Variants in CERS3 observed in about 807,000 individuals in gnomAD.
The protein encoded by CERS3 is LAG1 homolog, ceramide synthase 3.
Under a neutral mutation model 50.3 loss-of-function variants are expected in CERS3, and 33 were observed. The observed-to-expected ratio is 0.66, with a 90% CI of 0.50 to 0.88. The LOEUF (loss-of-function observed/expected upper bound fraction) is 0.88, where lower values mean the gene tolerates loss of function less well. CERS3 is among the 40% of genes least tolerant of loss of function. CERS3 has a pLI of 0.00. For missense variants in CERS3, 470 were observed against 460.3 expected, an observed-to-expected ratio of 1.02 and a Z score of -0.19; for synonymous variants, 176 against 155.2, an observed-to-expected ratio of 1.13 and a Z score of -0.99.
At chr15:100,457,743 A>G (rs879792527) in intron 10 of CERS3, among the ~76,000 whole-genome samples, 3 of 152,234 alleles carry the variant, frequency 2.0e-5, no homozygotes, top group Non-Finnish European at 4.4e-5. Context: ...ATAAACTGAA[A>G]AACTATTTTC....
intron 11 of CERS3, among the ~76,000 whole-genome samples, chr15:100,417,979 GA>G (rs1283852320): frequency 3.9e-5 from 6 of 152,058 alleles, no homozygotes; most frequent in Non-Finnish European, 7.3e-5. Flanking sequence ...CAAAGATGGG[GA>G]AAAAACAGAA....
chr15:100,473,250 C>T (rs1030735373), intron 8 of CERS3, among the ~76,000 whole-genome samples, 198 bp from the exon 9 acceptor site: 2 of 152,130 alleles, frequency 1.3e-5, no homozygotes, highest in Non-Finnish European at 2.9e-5. Flanking sequence ...AATCATTTAA[C>T]GTTGAGATAC....
rs1167471615 is a variant in CERS3, at chr15:100,528,801, G to A, written c.-92+12C>T. The A allele has an allele frequency of 6.6e-6, 1 of 152,260 alleles. No individual in the cohort carries two copies. Among genetic ancestry groups the A allele is most frequent in the Non-Finnish European group, 1.5e-5 (1 of 68,050 alleles). The allele number at this position is 152,260 out of a possible 1,614,324, so 9.4% of individuals were successfully genotyped here. A position where few individuals can be genotyped will look rare whatever the true frequency, so the allele number is the denominator to read the frequency against. On this transcript the variant is annotated intron_variant, in intron 1 of 11. Coordinates refer to ENST00000679737, the MANE Select transcript of CERS3 (RefSeq NM_001378789.1). The stretch of plus-strand genomic sequence containing the variant: ...CCTCAAATACTAACCACATCCATGG[G>A]ATGGCGCCTACCTTTCTGAAATGTC...
At chr15:100,444,373 C>A (rs1014637315) in intron 11 of CERS3, among the ~76,000 whole-genome samples, 2 of 3,880 alleles carry the variant, frequency 5.2e-4, no homozygotes, top group African/African-American at 5.4e-4. Flanking sequence ...CCACATTATT[C>A]CGGATACACA....
intron 8 of CERS3, among the ~76,000 whole-genome samples, chr15:100,473,747 C>G (rs903077723): frequency 2.0e-5 from 3 of 152,180 alleles, no homozygotes; most frequent in Non-Finnish European, 4.4e-5. Context: ...GACAGTTTCT[C>G]AAAAGATTAG....
At chr15:100,472,415 T>A (rs2034998681) in intron 9 of CERS3, among the ~76,000 whole-genome samples, 3 of 152,106 alleles carry the variant, frequency 2.0e-5, no homozygotes, top group Admixed American at 6.6e-5. Flanking sequence ...TCAGAAAACA[T>A]TCTAAGCCCT....
At chr15:100,495,276 C>G (rs2035777101) in intron 3 of CERS3, among the ~76,000 whole-genome samples, 1 of 152,170 alleles carries the variant, frequency 6.6e-6, no homozygotes, top group Admixed American at 6.5e-5. Flanking sequence ...ATGGAGAGGG[C>G]AAGATGGGAA....
chr15:100,532,357 C>A (rs538350260), upstream of CERS3, among the ~76,000 whole-genome samples: 1 of 152,154 alleles, frequency 6.6e-6, no homozygotes, highest in South Asian at 2.1e-4. Flanking sequence ...TTAACCTAAC[C>A]GGCAAAATTT....
intron 11 of CERS3, chr15:100,426,204 A>G (rs1379657484): frequency 1.3e-5 from 2 of 152,234 alleles, no homozygotes; most frequent in East Asian, 3.8e-4. Flanking sequence ...TTGCATAATA[A>G]AAAAATTAAA....
intron 7 of CERS3, among the ~76,000 whole-genome samples, chr15:100,478,417 G>A (rs1212979777): frequency 6.6e-6 from 1 of 152,114 alleles, no homozygotes; most frequent in African/African-American, 2.4e-5. Flanking sequence ...CACCTTGGTA[G>A]ACAGCATGTA....
chr15:100,463,532 G>A (rs1169760882), intron 10 of CERS3, among the ~76,000 whole-genome samples: 1 of 151,954 alleles, frequency 6.6e-6, no homozygotes, highest in Non-Finnish European at 1.5e-5. Flanking sequence ...AGGATTCTAT[G>A]GTTTGAAGAG....
intron 1 of CERS3, among the ~76,000 whole-genome samples, chr15:100,539,528 G>T (rs2037150250): frequency 6.6e-6 from 1 of 152,202 alleles, no homozygotes; most frequent in African/African-American, 2.4e-5. Flanking sequence ...TCACAAGGCA[G>T]CAGGGAAGAA....
At chr15:100,539,821 C>T (rs2037157153) in intron 1 of CERS3, among the ~76,000 whole-genome samples, 1 of 152,174 alleles carries the variant, frequency 6.6e-6, no homozygotes, top group African/African-American at 2.4e-5. Context: ...TTATCAGTTG[C>T]TTCTGTGACA....
At chr15:100,414,308 T>A (rs932861531) in intron 11 of CERS3, among the ~76,000 whole-genome samples, 13 of 152,216 alleles carry the variant, frequency 8.5e-5, no homozygotes, top group South Asian at 4.1e-4. Flanking sequence ...AAACATTCCA[T>A]GTTCATGACA....
At chr15:100,431,909 G>C (rs1410766938) in intron 11 of CERS3, among the ~76,000 whole-genome samples, 1 of 152,160 alleles carries the variant, frequency 6.6e-6, no homozygotes, top group Non-Finnish European at 1.5e-5. Flanking sequence ...AAAAAGTCTG[G>C]AATCCTGGGA....
At chr15:100,519,091 G>A (rs190274153) in intron 2 of CERS3, among the ~76,000 whole-genome samples, 8 of 152,074 alleles carry the variant, frequency 5.3e-5, no homozygotes, top group Non-Finnish European at 7.4e-5. Flanking sequence ...CCCGGAAGGC[G>A]GAGGTTGCAG....
intron 10 of CERS3, among the ~76,000 whole-genome samples, chr15:100,460,031 T>C (rs909448315): frequency 4.6e-5 from 7 of 152,234 alleles, no homozygotes; most frequent in African/African-American, 1.4e-4. Context: ...TTTTAAATTA[T>C]GTTAATTAGC....
intron 11 of CERS3, among the ~76,000 whole-genome samples, chr15:100,412,021 T>C (rs1007156810): frequency 1.3e-5 from 2 of 152,216 alleles, no homozygotes; most frequent in Non-Finnish European, 2.9e-5. Context: ...GAATCCCTTA[T>C]CAGATATATG....
chr15:100,473,379 C>T (rs1342579365), intron 8 of CERS3, among the ~76,000 whole-genome samples: 1 of 151,596 alleles, frequency 6.6e-6, no homozygotes, highest in Non-Finnish European at 1.5e-5. Context: ...TGCCTATTCC[C>T]CAAAAAGAAA....
Sources: gnomAD v4.1 joint callset for allele counts (sites outside exome capture counted in the v4.1 genomes callset) on GRCh38, gnomAD v4.1.1 for gene constraint, MANE v1.5 for transcripts, NCBI Gene and HGNC (gene_info 2026-07-23, HGNC 2026-07-21) for gene names.